The following CREBBP variants were observed in gnomAD, a reference collection of about 807,000 sequenced individuals.
CREBBP encodes CREB-binding protein.
In CREBBP, 19 loss-of-function variants were observed where a neutral mutation model predicts 265.0. That is an observed-to-expected ratio of 0.07 (90% CI 0.05 to 0.11). The LOEUF (loss-of-function observed/expected upper bound fraction) is 0.11. Ranked by LOEUF, CREBBP falls within the 10% of genes least tolerant of loss-of-function variation. The probability of loss-of-function intolerance (pLI) is 1.00; values close to 1 mark genes in which losing one functional copy is unlikely to be tolerated. For synonymous variants in CREBBP, 1,457 were observed against 1,223.7 expected (o/e 1.19, Z -3.98); for missense variants, 2,525 against 3,219.0 (o/e 0.78, Z 5.22).
rs138944525 is a variant in CREBBP at position 3,850,873 on chromosome 16, T to C, written c.222A>G (p.Leu74=). Residue 74 remains leucine, a synonymous_variant, in exon 2 of 31, where the codon CTA becomes CTG. Transcript: ENST00000262367. Reference sequence around the variant, plus strand: ...TGATACTAGAGCCGCTGCCTCCTCGTAGAAGCTCCGACAGTTGTTTATGTT... The same window carrying C: ...TGATACTAGAGCCGCTGCCTCCTCGCAGAAGCTCCGACAGTTGTTTATGTT... ...ASKHKQLSEL[L]RGGSGSSINP... 2.4e-5 allele frequency: 39 copies of C among 1,614,072 alleles called. No homozygotes were observed. The highest frequency in any genetic ancestry group is 2.9e-5 in the Non-Finnish European group (34 of 1,180,052).
intron 21 of CREBBP, among the ~76,000 whole-genome samples, chr16:3,749,292 C>A (rs1452249901): frequency 6.6e-6 from 1 of 152,176 alleles, no homozygotes; most frequent in Non-Finnish European, 1.5e-5. Context: ...AGTACTACCC[C>A]ACCAAATACT....
intron 14 of CREBBP, among the ~76,000 whole-genome samples, 161 bp downstream of exon 14, chr16:3,770,409 T>C (rs1464118003): frequency 1.3e-5 from 2 of 151,948 alleles, no homozygotes; most frequent in African/African-American, 4.8e-5. Context: ...TTGCCCAGGA[T>C]GGTCTTGAAC....
intron 1 of CREBBP, among the ~76,000 whole-genome samples, chr16:3,878,288 G>A (rs959371031): frequency 2.0e-5 from 3 of 152,080 alleles, no homozygotes; most frequent in East Asian, 1.9e-4. Context: ...GCAGTACAAC[G>A]GCATTTAAAC....
At chr16:3,782,446 G>C (rs2053293401) in intron 6 of CREBBP, among the ~76,000 whole-genome samples, 1 of 152,240 alleles carries the variant, frequency 6.6e-6, no homozygotes, top group Admixed American at 6.5e-5. Context: ...AAACCGTCCA[G>C]ACAGAAGTGG....
rs377023934 is a variant in CREBBP, at chr16:3,729,380, C to A, written c.5667G>T (p.Pro1889=). ...TGGGCTGCTGTGTGGGGGTCCCGGGCGGTGCTGAGGTAGGAGAAGGCAGAC... is the reference window on the plus strand; with the variant it reads ...TGGGCTGCTGTGTGGGGGTCCCGGGAGGTGCTGAGGTAGGAGAAGGCAGAC... ...QQSLPSPTSA[P]PGTPTQQPST... is the part of the protein sequence containing the mutation. The change falls in exon 31 of 31, where the codon CCG becomes CCT. Residue 1889 remains proline (P), a synonymous_variant. Coordinates refer to ENST00000262367, the MANE Select transcript of CREBBP (RefSeq NM_004380.3). The A allele has an allele frequency of 3.1e-6, 5 of 1,609,624 alleles. No homozygotes were observed. Among genetic ancestry groups the A allele is most frequent in the Non-Finnish European group, 4.2e-6 (5 of 1,179,654 alleles).
At chr16:3,755,208 C>T (rs539600468) in intron 19 of CREBBP, among the ~76,000 whole-genome samples, 2 of 152,306 alleles carry the variant, frequency 1.3e-5, no homozygotes, top group Non-Finnish European at 2.9e-5. Flanking sequence ...TCAATGACTT[C>T]ATATGCCATC....
intron 3 of CREBBP, among the ~76,000 whole-genome samples, chr16:3,802,687 A>G (rs2053741853): frequency 2.0e-5 from 3 of 152,172 alleles, no homozygotes; most frequent in Admixed American, 2.0e-4. Context: ...TGTTCCAAAC[A>G]GCAAGAGACT....
At chr16:3,873,832 T>C (rs1181828764) in intron 1 of CREBBP, among the ~76,000 whole-genome samples, 3 of 152,090 alleles carry the variant, frequency 2.0e-5, no homozygotes, top group Non-Finnish European at 4.4e-5. Context: ...AGAAGATAGG[T>C]GGCAATCTGC....
rs376176952 is a variant in CREBBP, at chr16:3,847,789, G to T, written c.798+2508C>A. On this transcript the variant is annotated intron_variant, in intron 2 of 30. Coordinates refer to ENST00000262367, the MANE Select transcript of CREBBP (RefSeq NM_004380.3). ...CCAAAACATGTTTCTTCAGTAAATT[G>T]TAAGGATCCCACAGACCAACAGAGA... 3.5e-4 allele frequency among the ~76,000 whole-genome samples: 53 copies of T among 152,292 alleles called. 3 individuals carry two copies. In the South Asian group the frequency reaches 0.01, roughly 30 times the overall value.
chr16:3,730,043 C>T (rs376006743), intron 30 of CREBBP, among the ~76,000 whole-genome samples, 169 bp from the exon 31 acceptor site: 3 of 151,946 alleles, frequency 2.0e-5, no homozygotes, highest in East Asian at 3.8e-4. Context: ...CCGGACAGGG[C>T]GGGAGCACGG....
intron 2 of CREBBP, among the ~76,000 whole-genome samples, chr16:3,812,142 T>A (rs1028649388): frequency 2.0e-5 from 3 of 152,048 alleles, no homozygotes; most frequent in African/African-American, 7.3e-5. Context: ...AGAGAGGTTA[T>A]AGTATCCTCT....
intron 2 of CREBBP, among the ~76,000 whole-genome samples, chr16:3,842,759 G>A (rs2054588458): frequency 6.6e-6 from 1 of 151,950 alleles, no homozygotes; most frequent in Non-Finnish European, 1.5e-5. Context: ...GAGGTCAGGA[G>A]TTCAAAACCA....
intron 8 of CREBBP, among the ~76,000 whole-genome samples, chr16:3,780,241 CAA>C (rs559038927): frequency 8.9e-4 from 48 of 53,696 alleles, no homozygotes; most frequent in Middle Eastern, 0.011. Context: ...GACTCTGTCT[CAA>C]AAAAAAAAAA....
At chr16:3,838,059 C>T (rs1276215700) in intron 2 of CREBBP, among the ~76,000 whole-genome samples, 3 of 152,214 alleles carry the variant, frequency 2.0e-5, no homozygotes, top group African/African-American at 7.2e-5. Context: ...TTCTCCAACT[C>T]ACAGGCTCAA....
intron 28 of CREBBP, among the ~76,000 whole-genome samples, chr16:3,733,423 G>A (rs1050497737): frequency 1.1e-4 from 17 of 151,526 alleles, no homozygotes; most frequent in African/African-American, 3.2e-4. Flanking sequence ...CAAATATCAC[G>A]TGGGTCCTCC....
At chr16:3,760,086 A>G (rs1395633749) in intron 16 of CREBBP, among the ~76,000 whole-genome samples, 1 of 152,042 alleles carries the variant, frequency 6.6e-6, no homozygotes, top group Non-Finnish European at 1.5e-5. Context: ...GTGTTCTTTA[A>G]TTTTTAATTA....
intron 21 of CREBBP, among the ~76,000 whole-genome samples, chr16:3,748,254 G>C (rs1032525850): frequency 6.6e-6 from 1 of 151,988 alleles, no homozygotes; most frequent in Non-Finnish European, 1.5e-5. Flanking sequence ...CTCCAGCCTG[G>C]GGGACAGAGC....
intron 28 of CREBBP, 39 bp downstream of exon 28, chr16:3,735,997 G>A (rs370506191): frequency 6.0e-5 from 97 of 1,614,076 alleles, no homozygotes; most frequent in Middle Eastern, 5.0e-4. Context: ...CAGCTCCAGC[G>A]GGACACGTGG....
intron 2 of CREBBP, among the ~76,000 whole-genome samples, chr16:3,818,303 CTTTTTTTTT>C (rs71133660): frequency 1.9e-5 from 2 of 106,432 alleles, no homozygotes; most frequent in South Asian, 2.9e-4. Flanking sequence ...GTTTTCTTTT[CTTTTTTTTT>C]TTTTTTTTTT....
Sources: gnomAD v4.1 joint callset for allele counts (sites outside exome capture counted in the v4.1 genomes callset) on GRCh38, gnomAD v4.1.1 for gene constraint, MANE v1.5 for transcripts, NCBI Gene and HGNC (gene_info 2026-07-23, HGNC 2026-07-21) for gene names.